Variants in PRMT1 observed in about 807,000 individuals in gnomAD.
The protein encoded by PRMT1 is protein arginine N-methyltransferase 1.
Under a neutral mutation model 47.4 loss-of-function variants are expected in PRMT1, and 5 were observed. That is an observed-to-expected ratio of 0.11 (90% CI 0.06 to 0.22). The LOEUF is 0.22. Ranked by LOEUF, PRMT1 falls within the 10% of genes least tolerant of loss-of-function variation. The pLI, the probability that PRMT1 is intolerant of heterozygous loss-of-function variation, is 1.00. For synonymous variants in PRMT1, 227 were observed against 204.6 expected (o/e 1.11, Z -0.94); for missense variants, 249 against 518.4 (o/e 0.48, Z 5.05).
chr19:49,676,548 G>A (rs1358011310), upstream of PRMT1: 1 of 152,292 alleles, frequency 6.6e-6, no homozygotes, highest in Non-Finnish European at 1.5e-5. Flanking sequence ...GGGATTTAAT[G>A]TGTTGACGAC....
rs374334189 is a variant in PRMT1 at position 49,677,296 on chromosome 19, G to A, written c.16G>A (p.Ala6Thr). 8 of 1,411,290 alleles carry A rather than the reference G, an allele frequency of 5.7e-6. No homozygotes were observed. Among genetic ancestry groups the A allele is most frequent in the Non-Finnish European group, 6.5e-6 (7 of 1,079,712 alleles). The allele number at this position is 1,411,290 out of a possible 1,614,324, so 87.4% of individuals were successfully genotyped here. A position where few individuals can be genotyped will look rare whatever the true frequency, so the allele number is the denominator to read the frequency against. Residue 6 changes from alanine to threonine, a missense_variant, in exon 1 of 11, where the codon GCC becomes ACC. This residue lies in a region of PRMT1 where 59 missense variants were observed against 61.7 expected (regional missense o/e 0.96). Transcript: ENST00000454376. ...GCGGGTGAAGATGGCGGCAGCCGAG[G>A]CCGCGAACTGCATCATGGAGGTGAG... is the stretch of plus-strand genomic sequence containing the variant. MAAAE[A>T]ANCIMENFVA... is the part of the protein sequence containing the mutation.
At chr19:49,682,942 C>A (rs1348472580) in intron 5 of PRMT1, among the ~76,000 whole-genome samples, 1 of 151,954 alleles carries the variant, frequency 6.6e-6, no homozygotes, top group Non-Finnish European at 1.5e-5. Flanking sequence ...CCAGCCACCA[C>A]GCCCGGCTAA....
At position 49,680,709 on chromosome 19, in the gene PRMT1, C is replaced by A. The variant is rs1238656334; in HGVS notation, c.192+121C>A. On this transcript the variant is annotated intron_variant, in intron 3 of 10. Coordinates refer to ENST00000454376, the MANE Select transcript of PRMT1 (RefSeq NM_001536.6). This position sits in a 1 kb window ranked among gnomAD's most constrained non-coding sequence, Gnocchi z 4.2. ...CCTGGCCGCAGGCCGCCCCCCTGCC[C>A]CTCTGCTGCGCACTTCCTAGGGTCG... 7 of 812,006 alleles carry A rather than the reference C, an allele frequency of 8.6e-6. No individual in the cohort carries two copies. Among genetic ancestry groups the A allele is most frequent in the Non-Finnish European group, 1.4e-5 (7 of 499,100 alleles). The allele number at this position is 812,006 out of a possible 1,614,324, so 50.3% of individuals were successfully genotyped here.
In PRMT1 at chr19:49,680,464, T is replaced by C. The variant is rs1398771898; in HGVS notation, c.91-23T>C. The C allele has an allele frequency of 6.3e-7, 1 of 1,589,100 alleles. No homozygotes were observed. The highest frequency in any genetic ancestry group is 8.6e-7 in the Non-Finnish European group (1 of 1,157,336). ...GTGGGGAGCCCCCAGATCTGACCCA[T>C]GATCCCATCGGCCCCCTCCCAGGTG... On this transcript the variant is annotated intron_variant, in intron 2 of 10. Transcript: ENST00000454376. The surrounding 1 kb of genome is among the most constrained non-coding windows in gnomAD (Gnocchi z 4.2).
intron 5 of PRMT1, 35 bp from the exon 6 acceptor site, chr19:49,683,892 C>CG: frequency 6.3e-7 from 1 of 1,594,166 alleles, no homozygotes; most frequent in Non-Finnish European, 8.5e-7. Flanking sequence ...GCAGGCCTCC[C>CG]GGGGGCTGAC....
At chr19:49,676,377 C>T (rs988465300), upstream of PRMT1, 5 of 152,186 alleles carry the variant, frequency 3.3e-5, no homozygotes, top group African/African-American at 1.2e-4. Flanking sequence ...GAAAGCTTCC[C>T]GGAGGAAGTG....
rs751135377 is a variant in PRMT1 at position 49,680,290 on chromosome 19, G to A, written c.91-197G>A. ...CTCCCCTGGATGGTGCTCTGGGGGGGTCCTGGAAGTGGAAAATGGGGTTGT... is the reference window on the plus strand; with the variant it reads ...CTCCCCTGGATGGTGCTCTGGGGGGATCCTGGAAGTGGAAAATGGGGTTGT... On this transcript the variant is annotated intron_variant, in intron 2 of 10. Transcript: ENST00000454376. This position sits in a 1 kb window ranked among gnomAD's most constrained non-coding sequence, Gnocchi z 4.2. 4.8e-6 allele frequency: 7 copies of A among 1,450,076 alleles called. No homozygotes were observed. Among genetic ancestry groups the A allele is most frequent in the Non-Finnish European group, 6.8e-6 (7 of 1,035,796 alleles). 89.8% of individuals were successfully genotyped at this position (1,450,076 alleles called of 1,614,324 possible).
chr19:49,687,134 G>A (rs1054392883), intron 10 of PRMT1, among the ~76,000 whole-genome samples: 4 of 152,250 alleles, frequency 2.6e-5, no homozygotes, highest in Non-Finnish European at 5.9e-5. Context: ...TAGAGTGCAC[G>A]GGGTTTTCTA....
chr19:49,685,452 G>A lies in PRMT1; in HGVS notation c.759+415G>A. On this transcript the variant is annotated intron_variant, in intron 8 of 10. Transcript: ENST00000454376. This position sits in a 1 kb window ranked among gnomAD's most constrained non-coding sequence, Gnocchi z 4.7. ...TTGGGCCTGGGAGTTCAAGGCTGCAGTGAGCTGTGATCACATCACTGCACT... is the reference window on the plus strand; with the variant it reads ...TTGGGCCTGGGAGTTCAAGGCTGCAATGAGCTGTGATCACATCACTGCACT... 2 of 1,163,384 alleles carry A rather than the reference G, an allele frequency of 1.7e-6. No individual in the cohort carries two copies. The highest frequency in any genetic ancestry group is 6.3e-5 in the East Asian group (1 of 16,000). 72.1% of individuals were successfully genotyped at this position (1,163,384 alleles called of 1,614,324 possible). A position where few individuals can be genotyped will look rare whatever the true frequency, so the allele number is the denominator to read the frequency against.
At position 49,681,091 on chromosome 19, in the gene PRMT1, CCAG is replaced by C. The variant is rs1254108429; in HGVS notation, c.192+504_192+506del. On this transcript the variant is annotated intron_variant, in intron 3 of 10. Transcript: ENST00000454376. This position sits in a 1 kb window ranked among gnomAD's most constrained non-coding sequence, Gnocchi z 4.4. The stretch of plus-strand genomic sequence containing the variant: ...TTTAGAGACGGTCTCGCTCTGTCGC[CCAG>C]GCTAGAGTGCATTGGTGCAATCATG... Among the ~76,000 whole-genome samples, 2 of 152,174 alleles carry C rather than the reference CCAG, an allele frequency of 1.3e-5. No individual in the cohort carries two copies. Among genetic ancestry groups the C allele is most frequent in the Non-Finnish European group, 2.9e-5 (2 of 68,034 alleles).
chr19:49,681,754 T>A lies in PRMT1; in HGVS notation c.193-156T>A, dbSNP rs368510937. 3.3e-5 allele frequency among the ~76,000 whole-genome samples: 5 copies of A among 151,646 alleles called. No individual in the cohort carries two copies. The highest frequency in any genetic ancestry group is 4.2e-4 in the South Asian group (2 of 4,786). ...TTCCATCTCAAAAAATAAAATAAAA[T>A]AAAAATAAATAAATGAATAAATATA... is the stretch of plus-strand genomic sequence containing the variant. On this transcript the variant is annotated intron_variant, in intron 3 of 10. Transcript: ENST00000454376. The surrounding 1 kb of genome is among the most constrained non-coding windows in gnomAD (Gnocchi z 4.4).
chr19:49,685,071 G>T lies in PRMT1; in HGVS notation c.759+34G>T, dbSNP rs774196646. ...GTGGGCATGGCCAGGTGCCCCCTGG[G>T]TTGAAACCAAAGAGAGGCCATCACC... On this transcript the variant is annotated intron_variant, in intron 8 of 10. Coordinates refer to ENST00000454376, the MANE Select transcript of PRMT1 (RefSeq NM_001536.6). This position sits in a 1 kb window ranked among gnomAD's most constrained non-coding sequence, Gnocchi z 4.7. The T allele has an allele frequency of 1.2e-6, 2 of 1,613,780 alleles. No homozygotes were observed. The highest frequency in any genetic ancestry group is 3.3e-5 in the Admixed American group (2 of 59,908).
chr19:49,686,461 C>G (rs2082205751), intron 9 of PRMT1, 144 bp from the exon 10 acceptor site: 1 of 1,196,848 alleles, frequency 8.4e-7, no homozygotes, highest in Non-Finnish European at 1.1e-6. Flanking sequence ...CGGTCCCTGT[C>G]TCCAAAGCTC....
chr19:49,680,603 TC>T lies in PRMT1; in HGVS notation c.192+19del. 1 of 1,582,126 alleles carries T rather than the reference TC, an allele frequency of 6.3e-7. No homozygotes were observed. ...GCATCCACGAGGTCAGTGGGGACAG[TC>T]CCCAAGGCCCCAATCTTAGGGGGGC... On this transcript the variant is annotated intron_variant, in intron 3 of 10. Transcript: ENST00000454376. This position sits in a 1 kb window ranked among gnomAD's most constrained non-coding sequence, Gnocchi z 4.2.
intron 5 of PRMT1, 80 bp from the exon 6 acceptor site, chr19:49,683,847 C>T: frequency 6.5e-7 from 1 of 1,535,094 alleles, no homozygotes; most frequent in Non-Finnish European, 8.8e-7. Context: ...AGTGGGGTCC[C>T]CAGGCTCTAG....
At position 49,686,095 on chromosome 19, in the gene PRMT1, G is replaced by A. The variant is rs1452194255; in HGVS notation, c.762G>A (p.Glu254=). 3 of 1,613,094 alleles carry A rather than the reference G, an allele frequency of 1.9e-6. No individual in the cohort carries two copies. Among genetic ancestry groups the A allele is most frequent in the Non-Finnish European group, 8.5e-7 (1 of 1,179,506 alleles). ...QLVTNACLIK[E]VDIYTVKVED... ...GCTCGCCCTCTCATGTCCTGCAGGA[G>A]GTGGACATCTATACCGTCAAGGTGG... The change falls in exon 9 of 11, where the codon GAG becomes GAA. Residue 254 remains glutamate, a splice_region_variant and synonymous_variant. Coordinates refer to ENST00000454376, the MANE Select transcript of PRMT1 (RefSeq NM_001536.6).
At position 49,684,278 on chromosome 19, in the gene PRMT1, G is replaced by A. The variant is rs2082170626; in HGVS notation, c.555+209G>A. ...TCGTAGGAACAGGAAATCCGTAGCG[G>A]CGCAATAGCCCAGGTCCTTAGGCCC... is the stretch of plus-strand genomic sequence containing the variant. On this transcript the variant is annotated intron_variant, in intron 6 of 10. Coordinates refer to ENST00000454376, the MANE Select transcript of PRMT1 (RefSeq NM_001536.6). The surrounding 1 kb of genome is among the most constrained non-coding windows in gnomAD (Gnocchi z 6.2). Among the ~76,000 whole-genome samples the A allele has an allele frequency of 6.6e-6, 1 of 152,026 alleles. No homozygotes were observed. The highest frequency in any genetic ancestry group is 1.5e-5 in the Non-Finnish European group (1 of 68,014).
At chr19:49,686,284 A>G in intron 9 of PRMT1, 41 bp downstream of exon 9, 1 of 1,550,670 alleles carries the variant, frequency 6.4e-7, no homozygotes, top group Non-Finnish European at 8.7e-7. Context: ...TTCCCGAGCC[A>G]GGGCGGAGGC....
At chr19:49,676,198 A>G (rs919379172), upstream of PRMT1, 2 of 152,184 alleles carry the variant, frequency 1.3e-5, no homozygotes, top group African/African-American at 4.8e-5. Context: ...CACGCCAGAG[A>G]GTATAGCCTG....
Sources: gnomAD v4.1 joint callset for allele counts (sites outside exome capture counted in the v4.1 genomes callset) on GRCh38, gnomAD v4.1.1 for gene constraint, gnomAD v4.1.1 regional missense constraint, Gnocchi (gnomAD v3.1) non-coding constraint, MANE v1.5 for transcripts, NCBI Gene and HGNC (gene_info 2026-07-23, HGNC 2026-07-21) for gene names.